DRD2: variants seen among roughly 807,000 people sequenced by gnomAD.
DRD2 encodes D(2) dopamine receptor.
In DRD2, 8 loss-of-function variants were observed where a neutral mutation model predicts 38.0. That is an observed-to-expected ratio of 0.21 (90% CI 0.12 to 0.38). DRD2 has a LOEUF of 0.38. DRD2 is among the 10% of genes least tolerant of loss of function. The probability of loss-of-function intolerance (pLI) is 1.00; values close to 1 mark genes in which losing one functional copy is unlikely to be tolerated. For missense variants in DRD2, 403 were observed against 607.7 expected (o/e 0.66, Z 3.54); for synonymous variants, 230 against 238.6 (o/e 0.96, Z 0.33).
intron 1 of DRD2, among the ~76,000 whole-genome samples, chr11:113,434,784 C>A (rs935774420): frequency 2.6e-5 from 4 of 152,124 alleles, no homozygotes; most frequent in African/African-American, 9.7e-5. Flanking sequence ...CCATCCCCCC[C>A]CATCAGCACC....
At chr11:113,446,616 C>T (rs1218314920) in intron 1 of DRD2, among the ~76,000 whole-genome samples, 1 of 152,154 alleles carries the variant, frequency 6.6e-6, no homozygotes, top group Non-Finnish European at 1.5e-5. Flanking sequence ...CAATGAGGCA[C>T]CCCCTACTAA....
At chr11:113,439,998 G>C (rs1261543534) in intron 1 of DRD2, among the ~76,000 whole-genome samples, 1 of 151,890 alleles carries the variant, frequency 6.6e-6, no homozygotes, top group Non-Finnish European at 1.5e-5. Flanking sequence ...AGGGCTCTCT[G>C]ACTCCTGGAA....
intron 1 of DRD2, among the ~76,000 whole-genome samples, chr11:113,431,852 T>C (rs1232583964): frequency 1.3e-5 from 2 of 152,218 alleles, no homozygotes; most frequent in Non-Finnish European, 2.9e-5. Context: ...AGCTCTCAAG[T>C]TGAGAAGTAC....
In DRD2 at chr11:113,410,604, G is replaced by T. The variant is rs1950759469; in HGVS notation, c.*123C>A. 6 of 1,242,292 alleles carry T rather than the reference G, an allele frequency of 4.8e-6. No homozygotes were observed. The highest frequency in any genetic ancestry group is 7.1e-6 in the Non-Finnish European group (6 of 848,276). 77.0% of individuals were successfully genotyped at this position (1,242,292 alleles called of 1,614,324 possible). On this transcript the variant is annotated 3_prime_UTR_variant, in exon 8 of 8. Transcript: ENST00000362072. ...CATGGAGCCAAGCGAACACTGCAGG[G>T]CCTGCCGGGGTGAAGAGGAGGCCGA...
chr11:113,455,969 G>A (rs994694356), intron 1 of DRD2, among the ~76,000 whole-genome samples: 4 of 152,172 alleles, frequency 2.6e-5, no homozygotes, highest in Non-Finnish European at 5.9e-5. Context: ...TCAGCACATT[G>A]AAGAGATATC....
In DRD2 at chr11:113,412,719, T is replaced by C. The variant is rs779530207; in HGVS notation, c.975A>G (p.Pro325=). The part of the protein sequence containing the change: ...LHSTPDSPAK[P]EKNGHAKDHP... ...GGTCTTTGGCATGCCCATTCTTCTC[T>C]GGTTTGGCGGGGCTGTCGGGAGTGC... Residue 325 remains proline (P), a synonymous_variant, in exon 7 of 8, where the codon CCA becomes CCG. Transcript: ENST00000362072. 1.2e-6 allele frequency: 2 copies of C among 1,614,134 alleles called. No individual in the cohort carries two copies. Among genetic ancestry groups the C allele is most frequent in the Non-Finnish European group, 1.7e-6 (2 of 1,180,018 alleles).
intron 7 of DRD2, chr11:113,411,458 C>T (rs1950769115): frequency 6.5e-6 from 1 of 154,362 alleles, no homozygotes. Flanking sequence ...TGGGTACACC[C>T]TTGCTAGTCC....
At chr11:113,419,528 A>G (rs1950864172) in intron 2 of DRD2, among the ~76,000 whole-genome samples, 1 of 129,430 alleles carries the variant, frequency 7.7e-6, no homozygotes, top group South Asian at 2.7e-4. Context: ...ACAGGCACAC[A>G]CTCATGGCAG....
At chr11:113,445,974 A>G (rs548099323) in intron 1 of DRD2, among the ~76,000 whole-genome samples, 1 of 152,198 alleles carries the variant, frequency 6.6e-6, no homozygotes, top group East Asian at 1.9e-4. Flanking sequence ...GTTCTGGAGC[A>G]TTTCCAGGGG....
chr11:113,415,584 G>A lies in DRD2; in HGVS notation c.560C>T (p.Pro187Leu), dbSNP rs1403144265. Reference sequence around the variant, plus strand: ...GATGGAGGAGTAGACCACGAAGGCCGGGTTGGCAATGATGCACTCGTTCTG... The same window carrying A: ...GATGGAGGAGTAGACCACGAAGGCCAGGTTGGCAATGATGCACTCGTTCTG... ...ADQNECIIAN[P>L]AFVVYSSIVS... Residue 187 changes from proline (P) to leucine (L), a missense_variant, in exon 5 of 8, where the codon CCG (proline) becomes CTG (leucine). By Grantham distance (98) the Pro-to-Leu change is moderately conservative (BLOSUM62 -3). Coordinates refer to ENST00000362072, the MANE Select transcript of DRD2 (RefSeq NM_000795.4). The A allele has an allele frequency of 1.2e-6, 2 of 1,613,880 alleles. No individual in the cohort carries two copies. Among genetic ancestry groups the A allele is most frequent in the African/African-American group, 1.3e-5 (1 of 74,934 alleles).
chr11:113,475,326 G>T lies in DRD2; in HGVS notation c.-282C>A. 1 of 148,384 alleles carries T rather than the reference G, an allele frequency of 6.7e-6. No individual in the cohort carries two copies. Among genetic ancestry groups the T allele is most frequent in the South Asian group, 1.8e-4 (1 of 5,632 alleles). 9.2% of individuals were successfully genotyped at this position (148,384 alleles called of 1,614,324 possible). A position where few individuals can be genotyped will look rare whatever the true frequency, so the allele number is the denominator to read the frequency against. On this transcript the variant is annotated 5_prime_UTR_variant, in exon 1 of 8. Coordinates refer to ENST00000362072, the MANE Select transcript of DRD2 (RefSeq NM_000795.4). ...GGCGGGGCGGGGCCGGGCGCGGGGCGGGCGGGCAGGAGGGAGCGCGGGGAC... is the reference window on the plus strand; with the variant it reads ...GGCGGGGCGGGGCCGGGCGCGGGGCTGGCGGGCAGGAGGGAGCGCGGGGAC...
chr11:113,445,580 TCTC>T (rs1951139369), intron 1 of DRD2, among the ~76,000 whole-genome samples: 4 of 152,152 alleles, frequency 2.6e-5, no homozygotes, highest in Admixed American at 2.6e-4. Context: ...AGGGTCCTCT[TCTC>T]CTTCACCCTT....
intron 1 of DRD2, among the ~76,000 whole-genome samples, chr11:113,445,395 C>T (rs1363986423): frequency 1.3e-5 from 2 of 152,194 alleles, no homozygotes; most frequent in African/African-American, 2.4e-5. Context: ...ACTCTCTGCA[C>T]TACTTTGCTA....
chr11:113,434,028 C>T (rs1041411276), intron 1 of DRD2, among the ~76,000 whole-genome samples: 1 of 152,178 alleles, frequency 6.6e-6, no homozygotes, highest in Non-Finnish European at 1.5e-5. Flanking sequence ...CATAGCACAC[C>T]CTGGCTGGCC....
chr11:113,457,314 C>T (rs1029490757), intron 1 of DRD2, among the ~76,000 whole-genome samples: 1 of 152,080 alleles, frequency 6.6e-6, no homozygotes, highest in African/African-American at 2.4e-5. Context: ...TCCACTCATC[C>T]AATTACAGAA....
intron 1 of DRD2, among the ~76,000 whole-genome samples, chr11:113,437,209 T>G (rs939030559): frequency 1.3e-5 from 2 of 152,184 alleles, no homozygotes; most frequent in African/African-American, 4.8e-5. Flanking sequence ...TGAGATTAGA[T>G]ATGATCCCCA....
At chr11:113,417,024 C>A in intron 3 of DRD2, 25 bp from the exon 4 acceptor site, 1 of 1,612,360 alleles carries the variant, frequency 6.2e-7, no homozygotes, top group South Asian at 1.1e-5. Flanking sequence ...GACCCTGAAT[C>A]TGGGGTGCAG....
intron 1 of DRD2, among the ~76,000 whole-genome samples, chr11:113,460,470 G>A (rs1458092973): frequency 3.3e-5 from 5 of 152,232 alleles, no homozygotes; most frequent in Admixed American, 3.3e-4. Context: ...AAAGCTTCCT[G>A]GGGTCAGAGG....
intron 1 of DRD2, among the ~76,000 whole-genome samples, chr11:113,452,435 C>CGTGTGTGTGTGTGT (rs759448996): frequency 2.1e-4 from 28 of 130,408 alleles, no homozygotes; most frequent in African/African-American, 6.2e-4. Flanking sequence ...GGTGTGCATG[C>CGTGTGTGTGTGTGT]GTGTGTGTGT....
Sources: gnomAD v4.1 joint callset for allele counts (sites outside exome capture counted in the v4.1 genomes callset) on GRCh38, gnomAD v4.1.1 for gene constraint, MANE v1.5 for transcripts, NCBI Gene and HGNC (gene_info 2026-07-23, HGNC 2026-07-21) for gene names.